The following FAM186A variants were observed in gnomAD, a reference collection of about 807,000 sequenced individuals.
The protein encoded by FAM186A is protein FAM186A.
A neutral mutation model predicts 216.8 loss-of-function variants in FAM186A; 163 were observed. The observed-to-expected ratio is 0.75, with a 90% CI of 0.66 to 0.86. The LOEUF is 0.86. Among genes scored for constraint, FAM186A ranks in the 40% least tolerant of loss-of-function variants. The pLI, the probability that FAM186A is intolerant of heterozygous loss-of-function variation, is 0.00. For synonymous variants in FAM186A, 805 were observed against 1,025.3 expected (o/e 0.79, Z 4.10); for missense variants, 2,184 against 2,746.2 (o/e 0.80, Z 4.58).
intron 1 of FAM186A, among the ~76,000 whole-genome samples, chr12:50,394,431 G>A (rs1030598540): frequency 2.6e-5 from 4 of 151,866 alleles, no homozygotes; most frequent in Admixed American, 2.6e-4. Flanking sequence ...GCCGGTGCCT[G>A]TAGTCCCAGC....
intron 1 of FAM186A, among the ~76,000 whole-genome samples, chr12:50,368,229 C>T (rs1277574552): frequency 6.6e-6 from 1 of 151,120 alleles, no homozygotes; most frequent in African/African-American, 2.4e-5. Context: ...TGGTGAAACC[C>T]CATCTTTACT....
rs969734335 is a variant in FAM186A at position 50,363,465 on chromosome 12, C to A, written c.193-101G>T. 5 of 1,011,318 alleles carry A rather than the reference C, an allele frequency of 4.9e-6. No individual in the cohort carries two copies. In the Admixed American group the frequency reaches 1.1e-4, roughly 22 times the overall value. 62.6% of individuals were successfully genotyped at this position (1,011,318 alleles called of 1,614,324 possible). ...TCAGTGACAGTTAATTTAAAGCTAT[C>A]CAATTAAAGTCTTGCTAATTCTAGC... On this transcript the variant is annotated intron_variant, in intron 1 of 7. Transcript: ENST00000327337.
chr12:50,377,570 C>T (rs1001916163), intron 1 of FAM186A, among the ~76,000 whole-genome samples: 2 of 152,150 alleles, frequency 1.3e-5, no homozygotes, highest in East Asian at 3.9e-4. Context: ...CAGTGGCTCA[C>T]GCCTGTAATC....
rs375273723 is a variant in FAM186A, at chr12:50,385,600, A to T, written c.192+10693T>A. ...TCTTCATGATTTCACTCATATGTGG[A>T]ATCTAAAGAAGTCAAACTTGCCGGG... is the stretch of plus-strand genomic sequence containing the variant. On this transcript the variant is annotated intron_variant, in intron 1 of 7. Transcript: ENST00000327337. Among the ~76,000 whole-genome samples the T allele has an allele frequency of 1.4e-4, 22 of 151,850 alleles. No homozygotes were observed. The East Asian group carries it at 1.6e-3, about 11-fold the overall frequency.
At chr12:50,364,009 A>G (rs940871390) in intron 1 of FAM186A, among the ~76,000 whole-genome samples, 1 of 152,178 alleles carries the variant, frequency 6.6e-6, no homozygotes, top group African/African-American at 2.4e-5. Flanking sequence ...GGATGTAATT[A>G]CTACCTCATA....
At position 50,354,566 on chromosome 12, in the gene FAM186A, C is replaced by G. The variant is rs1439006622; in HGVS notation, c.2266G>C (p.Val756Leu). 6.4e-6 allele frequency: 10 copies of G among 1,551,188 alleles called. No individual in the cohort carries two copies. Among genetic ancestry groups the G allele is most frequent in the Non-Finnish European group, 3.5e-6 (4 of 1,146,946 alleles). Residue 756 changes from valine to leucine, a missense_variant, in exon 4 of 8, where the codon GTC (valine) becomes CTC (leucine). Val to Leu is a conservative substitution (Grantham distance 32). Coordinates refer to ENST00000327337, the MANE Select transcript of FAM186A (RefSeq NM_001145475.3). ...GEKPIKQKKV[V>L]SFMPGLHFQK... ...AAATGCAATCCTGGCATAAATGAGACTACCTTTTTTTGTTTTATAGGTTTC... is the reference window on the plus strand; with the variant it reads ...AAATGCAATCCTGGCATAAATGAGAGTACCTTTTTTTGTTTTATAGGTTTC...
intron 1 of FAM186A, among the ~76,000 whole-genome samples, chr12:50,384,831 A>T (rs1206169122): frequency 1.3e-5 from 2 of 152,012 alleles, no homozygotes; most frequent in Admixed American, 1.3e-4. Context: ...TTTGAGACTG[A>T]GTCTTGCTCT....
chr12:50,360,977 A>T (rs1419744517), intron 2 of FAM186A, 51 bp from the exon 3 acceptor site: 2 of 1,368,074 alleles, frequency 1.5e-6, no homozygotes, highest in Non-Finnish European at 9.9e-7. Flanking sequence ...ATAAATAACT[A>T]TAGCTACATA....
intron 1 of FAM186A, among the ~76,000 whole-genome samples, chr12:50,394,656 G>A (rs754435089): frequency 6.7e-6 from 1 of 149,356 alleles, no homozygotes; most frequent in Non-Finnish European, 1.5e-5. Flanking sequence ...TGAACTCCAG[G>A]ACTCAAGCGA....
Position 50,334,089 on chromosome 12 carries a change from TTCA to T in FAM186A, c.6515_6517del (p.Met2172del). On this transcript the variant is annotated inframe_deletion, in exon 5 of 8. Coordinates refer to ENST00000327337, the MANE Select transcript of FAM186A (RefSeq NM_001145475.3). ...AGTATTTTGGATGGCTTTTAGTCGT[TTCA>T]TTATGTTGTTCCTTGAAAAGATTAA... 1 of 1,545,116 alleles carries T rather than the reference TTCA, an allele frequency of 6.5e-7. No homozygotes were observed. The highest frequency in any genetic ancestry group is 1.2e-5 in the South Asian group (1 of 82,424).
At chr12:50,386,319 T>C (rs921752131) in intron 1 of FAM186A, among the ~76,000 whole-genome samples, 2 of 150,960 alleles carry the variant, frequency 1.3e-5, no homozygotes, top group South Asian at 2.1e-4. Flanking sequence ...ATCCCAGCTA[T>C]AGGGAGGCAG....
At chr12:50,340,294 G>A (rs139915376) in intron 4 of FAM186A, among the ~76,000 whole-genome samples, 3 of 152,262 alleles carry the variant, frequency 2.0e-5, no homozygotes, top group African/African-American at 7.2e-5. Context: ...ATCTCTTTGT[G>A]TGACTGTCTC....
chr12:50,350,616 A>G lies in FAM186A; in HGVS notation c.6216T>C (p.Pro2072=). 6.4e-7 allele frequency: 1 copy of G among 1,551,632 alleles called. No individual in the cohort carries two copies. The highest frequency in any genetic ancestry group is 8.7e-7 in the Non-Finnish European group (1 of 1,146,982). The change falls in exon 4 of 8, where the codon CCT becomes CCC. Residue 2072 remains proline, a synonymous_variant. Transcript: ENST00000327337. The part of the protein sequence containing the change: ...LEWYQKSRFP[P]IDKPWILSSV... Reference sequence around the variant, plus strand: ...AACTCAGTATCCAGGGCTTGTCTATAGGAGGGAATCGGGATTTCTGGTACC... The same window carrying G: ...AACTCAGTATCCAGGGCTTGTCTATGGGAGGGAATCGGGATTTCTGGTACC...
At chr12:50,340,493 T>G (rs1160768699) in intron 4 of FAM186A, among the ~76,000 whole-genome samples, 3 of 151,976 alleles carry the variant, frequency 2.0e-5, no homozygotes, top group Non-Finnish European at 4.4e-5. Context: ...GAGGATTGCT[T>G]GAGCTCAGGA....
At chr12:50,350,307 A>G (rs1379630132) in intron 4 of FAM186A, 22 bp downstream of exon 4, 11 of 1,491,996 alleles carry the variant, frequency 7.4e-6, no homozygotes, top group Non-Finnish European at 9.8e-6. Flanking sequence ...CCAGAAAACT[A>G]GACGTAAATA....
intron 3 of FAM186A, among the ~76,000 whole-genome samples, chr12:50,357,021 CATACATACAT>C: frequency 2.6e-5 from 4 of 151,074 alleles, no homozygotes; most frequent in Non-Finnish European, 5.9e-5. Flanking sequence ...TACATACATA[CATACATACAT>C]ACATACATAC....
chr12:50,334,168 T>C (rs1942684758), intron 4 of FAM186A, 65 bp from the exon 5 acceptor site: 1 of 1,280,000 alleles, frequency 7.8e-7, no homozygotes, highest in Non-Finnish European at 1.0e-6. Flanking sequence ...AAACTTGTCC[T>C]CAGTTTCTTT....
intron 1 of FAM186A, among the ~76,000 whole-genome samples, chr12:50,387,700 G>A (rs187619007): frequency 1.5e-4 from 23 of 152,236 alleles, no homozygotes; most frequent in Admixed American, 1.2e-3. Context: ...CCGGCACCAC[G>A]TTGTCTCCTC....
In FAM186A at chr12:50,364,371, G is replaced by A. The variant is rs551478712; in HGVS notation, c.193-1007C>T. Among the ~76,000 whole-genome samples the A allele has an allele frequency of 4.6e-5, 7 of 151,712 alleles. No homozygotes were observed. The South Asian group carries it at 1.5e-3, about 32-fold the overall frequency. On this transcript the variant is annotated intron_variant, in intron 1 of 7. Coordinates refer to ENST00000327337, the MANE Select transcript of FAM186A (RefSeq NM_001145475.3). ...AGATCGAGACCATCCTGGCCAACAC[G>A]GTGAAACCCTGTCTCTCCTAAAAAA... is the stretch of plus-strand genomic sequence containing the variant.
Sources: allele counts gnomAD v4.1 joint callset (sites outside exome capture counted in the v4.1 genomes callset), GRCh38; gene constraint gnomAD v4.1.1; transcripts MANE v1.5; gene names NCBI Gene and HGNC (gene_info 2026-07-23, HGNC 2026-07-21).